Variants in CAMTA1 observed in about 807,000 individuals in gnomAD.
The protein encoded by CAMTA1 is calmodulin binding transcription activator 1.
Under a neutral mutation model 170.9 loss-of-function variants are expected in CAMTA1, and 27 were observed. The ratio of observed to expected loss-of-function variants is 0.16; its 90% CI spans 0.12 to 0.22. The LOEUF is 0.22. CAMTA1 is among the 10% of genes least tolerant of loss of function. The probability of loss-of-function intolerance (pLI) is 1.00; values close to 1 mark genes in which losing one functional copy is unlikely to be tolerated. For synonymous variants in CAMTA1, 833 were observed against 891.5 expected (o/e 0.93, Z 1.17); for missense variants, 1,619 against 2,217.2 (o/e 0.73, Z 5.42).
rs888495749 is a variant in CAMTA1, at chr1:7,565,289, G to T, written c.511-75111G>T. On this transcript the variant is annotated intron_variant, in intron 6 of 22. Transcript: ENST00000303635. The surrounding 1 kb of genome is among the most constrained non-coding windows in gnomAD (Gnocchi z 4.5). ...GCTGGAGAAGTGGGCGCTGCCTTTG[G>T]GGCCCACGGGCCTATGGGGATGGGA... 6.6e-6 allele frequency among the ~76,000 whole-genome samples: 1 copy of T among 152,140 alleles called. No individual in the cohort carries two copies. Among genetic ancestry groups the T allele is most frequent in the African/African-American group, 2.4e-5 (1 of 41,420 alleles).
chr1:7,363,770 G>C (rs1050748629), intron 5 of CAMTA1, among the ~76,000 whole-genome samples: 1 of 152,192 alleles, frequency 6.6e-6, no homozygotes, highest in Non-Finnish European at 1.5e-5. Flanking sequence ...TGAGTGGAGT[G>C]TGGCAGCGCT....
At chr1:6,859,874 C>G (rs1161762221) in intron 3 of CAMTA1, among the ~76,000 whole-genome samples, 1 of 152,184 alleles carries the variant, frequency 6.6e-6, no homozygotes, top group South Asian at 2.1e-4. Flanking sequence ...TCCCCAAACC[C>G]TTACCAATGG....
In CAMTA1 at chr1:7,435,717, C is replaced by T. The variant is rs1469499410; in HGVS notation, c.439-32113C>T. On this transcript the variant is annotated intron_variant, in intron 5 of 22. Coordinates refer to ENST00000303635, the MANE Select transcript of CAMTA1 (RefSeq NM_015215.4). The surrounding 1 kb of genome is among the most constrained non-coding windows in gnomAD (Gnocchi z 4.4). ...GCTGAAGGGTACTCAGTTCCTATAG[C>T]CCGATCATGGCATTGTCACGGTGGC... 1.3e-5 allele frequency among the ~76,000 whole-genome samples: 2 copies of T among 152,170 alleles called. No individual in the cohort carries two copies. The highest frequency in any genetic ancestry group is 2.9e-5 in the Non-Finnish European group (2 of 68,010).
intron 7 of CAMTA1, among the ~76,000 whole-genome samples, chr1:7,646,169 G>A (rs1005864920): frequency 4.0e-5 from 6 of 150,278 alleles, no homozygotes; most frequent in Admixed American, 4.0e-4. Flanking sequence ...ACTGCAGGTG[G>A]AGGCCATGGT....
intron 6 of CAMTA1, among the ~76,000 whole-genome samples, chr1:7,568,592 T>C (rs574473366): frequency 1.4e-5 from 2 of 139,670 alleles, no homozygotes; most frequent in East Asian, 4.5e-4. Context: ...AACATCACCA[T>C]CATCATCACC....
chr1:7,211,939 C>T (rs1658846089), intron 4 of CAMTA1, among the ~76,000 whole-genome samples: 2 of 152,214 alleles, frequency 1.3e-5, no homozygotes, highest in Non-Finnish European at 2.9e-5. Context: ...CAGGGTTCCT[C>T]CTAGCCGTTC....
chr1:7,005,371 A>G (rs971063994), intron 3 of CAMTA1, among the ~76,000 whole-genome samples: 3 of 152,248 alleles, frequency 2.0e-5, no homozygotes, highest in Non-Finnish European at 2.9e-5. Flanking sequence ...ACCTCCCAGG[A>G]GTCCAGGTTC....
chr1:7,108,140 G>A (rs1344637416), intron 4 of CAMTA1, among the ~76,000 whole-genome samples: 1 of 152,148 alleles, frequency 6.6e-6, no homozygotes, highest in African/African-American at 2.4e-5. Flanking sequence ...GAGGGAGTTA[G>A]CGAGCCCCAA....
At chr1:7,467,979 C>A in intron 6 of CAMTA1, 78 bp downstream of exon 6, 1 of 1,200,092 alleles carries the variant, frequency 8.3e-7, no homozygotes, top group Non-Finnish European at 1.2e-6. Context: ...GGGCGCGGGG[C>A]TCCGCATGCG....
At chr1:7,038,517 G>T (rs1032586818) in intron 3 of CAMTA1, among the ~76,000 whole-genome samples, 1 of 152,150 alleles carries the variant, frequency 6.6e-6, no homozygotes, top group Non-Finnish European at 1.5e-5. Context: ...ACCAAGTAGC[G>T]CCTGTGGCTA....
At chr1:7,361,014 G>A (rs751647408) in intron 5 of CAMTA1, among the ~76,000 whole-genome samples, 1 of 151,446 alleles carries the variant, frequency 6.6e-6, no homozygotes, top group Non-Finnish European at 1.5e-5. Context: ...CGGGGCTGTG[G>A]GTGTTAGAGT....
Position 7,214,102 on chromosome 1 carries a change from A to G in CAMTA1, c.303-35389A>G, listed in dbSNP as rs1030193897. On this transcript the variant is annotated intron_variant, in intron 4 of 22. Coordinates refer to ENST00000303635, the MANE Select transcript of CAMTA1 (RefSeq NM_015215.4). ...ATGTGTCTTTACAGCAGCATATTTT[A>G]TAATCCTTTGGGTATATACCCAGCA... 3.3e-5 allele frequency among the ~76,000 whole-genome samples: 5 copies of G among 152,188 alleles called. 1 individual carries two copies. In the East Asian group the frequency reaches 5.8e-4, roughly 18 times the overall value.
chr1:7,284,838 G>A (rs536901305), intron 5 of CAMTA1, among the ~76,000 whole-genome samples: 1 of 152,134 alleles, frequency 6.6e-6, no homozygotes, highest in Non-Finnish European at 1.5e-5. Flanking sequence ...CACTGATGGG[G>A]CCACTTCTCC....
chr1:7,298,786 A>T (rs1263435297), intron 5 of CAMTA1, among the ~76,000 whole-genome samples: 1 of 152,218 alleles, frequency 6.6e-6, no homozygotes, highest in African/African-American at 2.4e-5. Flanking sequence ...CCAGGGCCCC[A>T]GGAACGCACT....
chr1:7,677,743 G>A lies in CAMTA1; in HGVS notation c.2914+10G>A. The A allele has an allele frequency of 6.2e-7, 1 of 1,610,470 alleles. No homozygotes were observed. Among genetic ancestry groups the A allele is most frequent in the Non-Finnish European group, 8.5e-7 (1 of 1,178,376 alleles). ...TGGCTGTCGTTGGACGGTAAGAACA[G>A]TGCTTGGGTCGTCTTGCCAGGCACC... is the stretch of plus-strand genomic sequence containing the variant. On this transcript the variant is annotated intron_variant, in intron 11 of 22. Coordinates refer to ENST00000303635, the MANE Select transcript of CAMTA1 (RefSeq NM_015215.4).
chr1:6,808,979 T>C (rs991906853), intron 1 of CAMTA1, among the ~76,000 whole-genome samples: 4 of 151,994 alleles, frequency 2.6e-5, no homozygotes, highest in African/African-American at 9.7e-5. Flanking sequence ...GCAGGTATAT[T>C]TGGGGAGAAT....
chr1:6,820,010 A>C (rs1156690520), intron 1 of CAMTA1, among the ~76,000 whole-genome samples, 171 bp from the exon 2 acceptor site: 1 of 151,852 alleles, frequency 6.6e-6, no homozygotes, highest in African/African-American at 2.4e-5. Context: ...TGACCTTGAC[A>C]CTCTTGAGGA....
chr1:7,287,400 C>G (rs1400994377), intron 5 of CAMTA1, among the ~76,000 whole-genome samples: 1 of 152,236 alleles, frequency 6.6e-6, no homozygotes, highest in Non-Finnish European at 1.5e-5. Context: ...CTCTGAGCAT[C>G]ACATTCTCAT....
chr1:7,294,581 A>G lies in CAMTA1; in HGVS notation c.438+44955A>G, dbSNP rs1673649453. Reference sequence around the variant, plus strand: ...CCCTATTCACCCAAAACCTCAATGTAGAAACCACCCACTTTGCTCTCGTTC... The same window carrying G: ...CCCTATTCACCCAAAACCTCAATGTGGAAACCACCCACTTTGCTCTCGTTC... On this transcript the variant is annotated intron_variant, in intron 5 of 22. Coordinates refer to ENST00000303635, the MANE Select transcript of CAMTA1 (RefSeq NM_015215.4). 2.6e-5 allele frequency among the ~76,000 whole-genome samples: 4 copies of G among 152,348 alleles called. No individual in the cohort carries two copies. The South Asian group carries it at 8.3e-4, about 32-fold the overall frequency.
Sources: allele counts gnomAD v4.1 joint callset (sites outside exome capture counted in the v4.1 genomes callset), GRCh38; gene constraint gnomAD v4.1.1; non-coding constraint Gnocchi (gnomAD v3.1); transcripts MANE v1.5; gene names NCBI Gene and HGNC (gene_info 2026-07-23, HGNC 2026-07-21).